HS3ST3B1: variants seen among roughly 807,000 people sequenced by gnomAD.
HS3ST3B1 encodes heparan sulfate-glucosamine 3-sulfotransferase 3B1.
In HS3ST3B1, 13 loss-of-function variants were observed where a neutral mutation model predicts 21.3. The observed-to-expected ratio is 0.61, with a 90% CI of 0.40 to 0.97. The LOEUF (loss-of-function observed/expected upper bound fraction) is 0.97. Ranked by LOEUF, HS3ST3B1 falls within the 50% of genes least tolerant of loss-of-function variation. The pLI is 0.00. For synonymous variants in HS3ST3B1, 234 were observed against 254.8 expected (o/e 0.92, Z 0.78); for missense variants, 459 against 554.8 (o/e 0.83, Z 1.73).
At chr17:14,322,743 C>T (rs773113827) in intron 1 of HS3ST3B1, among the ~76,000 whole-genome samples, 12 of 152,082 alleles carry the variant, frequency 7.9e-5, no homozygotes, top group Admixed American at 2.0e-4. Context: ...TGACCCCTAA[C>T]ACAGATCATG....
intron 1 of HS3ST3B1, among the ~76,000 whole-genome samples, chr17:14,335,225 A>G (rs1910151183): frequency 6.6e-6 from 1 of 152,172 alleles, no homozygotes; most frequent in Admixed American, 6.5e-5. Flanking sequence ...GATTGGTGTG[A>G]GAACAGTTTA....
chr17:14,333,371 G>T (rs1213276490), intron 1 of HS3ST3B1, among the ~76,000 whole-genome samples: 1 of 151,358 alleles, frequency 6.6e-6, no homozygotes, highest in Non-Finnish European at 1.5e-5. Context: ...GGAGGCTGAG[G>T]CAGGAGAATC....
rs1347629500 is a variant in HS3ST3B1, at chr17:14,348,963, CAGATAT to C, written c.*3319_*3324del. The stretch of plus-strand genomic sequence containing the variant: ...TCTCTTTGGGGGTCATTTTGTGTGA[CAGATAT>C]ATTTTAGACATTTGGAGAAACAGTT... On this transcript the variant is annotated 3_prime_UTR_variant, in exon 2 of 2. Coordinates refer to ENST00000360954, the MANE Select transcript of HS3ST3B1 (RefSeq NM_006041.3). 1 of 152,056 alleles carries C rather than the reference CAGATAT, an allele frequency of 6.6e-6. No individual in the cohort carries two copies. Among genetic ancestry groups the C allele is most frequent in the African/African-American group, 2.4e-5 (1 of 41,406 alleles). 9.4% of individuals were successfully genotyped at this position (152,056 alleles called of 1,614,324 possible).
At chr17:14,320,484 TGTAA>T (rs1193033007) in intron 1 of HS3ST3B1, among the ~76,000 whole-genome samples, 1 of 152,194 alleles carries the variant, frequency 6.6e-6, no homozygotes, top group Admixed American at 6.5e-5. Context: ...CGAGGATGTT[TGTAA>T]GTAAGCCTTA....
rs1334376695 is a variant in HS3ST3B1, at chr17:14,311,638, T to C, written c.554+9566T>C. On this transcript the variant is annotated intron_variant, in intron 1 of 1. Transcript: ENST00000360954. ...GGGTAATGACCTGTATCCCACATTA[T>C]AGTATCATTCAGGGTAGTTTTACCA... 3.9e-5 allele frequency among the ~76,000 whole-genome samples: 6 copies of C among 152,314 alleles called. No individual in the cohort carries two copies. In the East Asian group the frequency reaches 1.2e-3, roughly 29 times the overall value.
chr17:14,333,131 T>A (rs773742271), intron 1 of HS3ST3B1, among the ~76,000 whole-genome samples: 1 of 151,930 alleles, frequency 6.6e-6, no homozygotes, highest in Non-Finnish European at 1.5e-5. Context: ...AGAGATGGGA[T>A]CTGTGAAAGA....
intron 1 of HS3ST3B1, among the ~76,000 whole-genome samples, chr17:14,306,176 C>T (rs1212973058): frequency 2.0e-5 from 3 of 152,150 alleles, no homozygotes; most frequent in Non-Finnish European, 4.4e-5. Flanking sequence ...ATATCAGCCC[C>T]CAAGCAGGAT....
rs1910549986 is a variant in HS3ST3B1 at position 14,345,721 on chromosome 17, A to C, written c.*75A>C. The stretch of plus-strand genomic sequence containing the variant: ...ATTATATGTATGTAAAATGTACAGA[A>C]ATCTATTTTATAATAATTTATTTTT... On this transcript the variant is annotated 3_prime_UTR_variant, in exon 2 of 2. Coordinates refer to ENST00000360954, the MANE Select transcript of HS3ST3B1 (RefSeq NM_006041.3). 1.3e-6 allele frequency: 2 copies of C among 1,494,540 alleles called. No individual in the cohort carries two copies. Among genetic ancestry groups the C allele is most frequent in the East Asian group, 4.6e-5 (2 of 43,522 alleles). 92.6% of individuals were successfully genotyped at this position (1,494,540 alleles called of 1,614,324 possible).
At chr17:14,334,274 T>TC (rs1267808387) in intron 1 of HS3ST3B1, among the ~76,000 whole-genome samples, 1 of 151,880 alleles carries the variant, frequency 6.6e-6, no homozygotes, top group Non-Finnish European at 1.5e-5. Context: ...CATGGTTTTT[T>TC]TTTTTTTAAA....
At chr17:14,341,889 G>A (rs541910554) in intron 1 of HS3ST3B1, among the ~76,000 whole-genome samples, 3 of 152,162 alleles carry the variant, frequency 2.0e-5, no homozygotes, top group Non-Finnish European at 4.4e-5. Context: ...GTTGCGAGCC[G>A]AGACTCTCTT....
intron 1 of HS3ST3B1, among the ~76,000 whole-genome samples, chr17:14,326,845 C>T (rs1259510023): frequency 8.8e-5 from 13 of 147,714 alleles, no homozygotes; most frequent in African/African-American, 1.5e-4. Flanking sequence ...CGCTTGAACC[C>T]GGGAGGTGGA....
intron 1 of HS3ST3B1, among the ~76,000 whole-genome samples, chr17:14,340,774 G>A (rs1910352912): frequency 6.6e-6 from 1 of 152,048 alleles, no homozygotes. Flanking sequence ...GGAGAGACGA[G>A]GTTTCACCAT....
intron 1 of HS3ST3B1, chr17:14,327,850 C>G (rs1223826538): frequency 6.6e-6 from 1 of 152,048 alleles, no homozygotes; most frequent in Non-Finnish European, 1.5e-5. Flanking sequence ...AACTCACAGT[C>G]TAAACAAATA....
At position 14,303,230 on chromosome 17, in the gene HS3ST3B1, C is replaced by G. The variant is rs78220700; in HGVS notation, c.554+1158C>G. Reference sequence around the variant, plus strand: ...CAGCCAGCACGACATTCAGACACCCCTCCAGGCCCAATTAGCTTCACAGAC... The same window carrying G: ...CAGCCAGCACGACATTCAGACACCCGTCCAGGCCCAATTAGCTTCACAGAC... On this transcript the variant is annotated intron_variant, in intron 1 of 1. Transcript: ENST00000360954. The surrounding 1 kb of genome is among the most constrained non-coding windows in gnomAD (Gnocchi z 5.7). 3.8e-3 allele frequency among the ~76,000 whole-genome samples: 575 copies of G among 152,232 alleles called. 5 individuals are homozygous for G. Among genetic ancestry groups the G allele is most frequent in the African/African-American group, 0.013 (542 of 41,534 alleles).
chr17:14,307,397 GAT>G (rs772668188), intron 1 of HS3ST3B1, among the ~76,000 whole-genome samples: 9 of 145,984 alleles, frequency 6.2e-5, no homozygotes, highest in Non-Finnish European at 1.2e-4. Context: ...TTTCTAGTTT[GAT>G]GTTTTAGTCT....
chr17:14,315,012 G>C (rs1024212524), intron 1 of HS3ST3B1, among the ~76,000 whole-genome samples: 1 of 152,172 alleles, frequency 6.6e-6, no homozygotes, highest in African/African-American at 2.4e-5. Context: ...ATTAAAATCA[G>C]AAATCACCTT....
chr17:14,328,113 A>T (rs1334660479), intron 1 of HS3ST3B1: 2 of 152,194 alleles, frequency 1.3e-5, no homozygotes, highest in Non-Finnish European at 2.9e-5. Context: ...AGCACAGAAG[A>T]GTTGCTGGAA....
Position 14,342,149 on chromosome 17 carries a change from G to A in HS3ST3B1, c.555-2879G>A, listed in dbSNP as rs116872207. 3.5e-3 allele frequency among the ~76,000 whole-genome samples: 540 copies of A among 152,340 alleles called. 3 individuals carry two copies. Among genetic ancestry groups the A allele is most frequent in the South Asian group, 0.013 (62 of 4,824 alleles). On this transcript the variant is annotated intron_variant, in intron 1 of 1. Transcript: ENST00000360954. Reference sequence around the variant, plus strand: ...TTCTATGGTTTCCGTATCGGTGCTAGATAGGGGAATTGTGGTCTCAGTGGA... The same window carrying A: ...TTCTATGGTTTCCGTATCGGTGCTAAATAGGGGAATTGTGGTCTCAGTGGA...
In HS3ST3B1 at chr17:14,346,379, G is replaced by C. The variant is rs572422856; in HGVS notation, c.*733G>C. 6.8e-6 allele frequency: 1 copy of C among 147,574 alleles called. No homozygotes were observed. The highest frequency in any genetic ancestry group is 2.1e-4 in the East Asian group (1 of 4,846). 9.1% of individuals were successfully genotyped at this position (147,574 alleles called of 1,614,324 possible). On this transcript the variant is annotated 3_prime_UTR_variant, in exon 2 of 2. Coordinates refer to ENST00000360954, the MANE Select transcript of HS3ST3B1 (RefSeq NM_006041.3). Reference sequence around the variant, plus strand: ...CGATTCTCCTGTCTCAGCCTCCCAAGTATCTGGGATTACAGGCATGCACCA... The same window carrying C: ...CGATTCTCCTGTCTCAGCCTCCCAACTATCTGGGATTACAGGCATGCACCA...
Sources: allele counts gnomAD v4.1 joint callset (sites outside exome capture counted in the v4.1 genomes callset), GRCh38; gene constraint gnomAD v4.1.1; non-coding constraint Gnocchi (gnomAD v3.1); transcripts MANE v1.5; gene names NCBI Gene and HGNC (gene_info 2026-07-23, HGNC 2026-07-21).